Variants in PSMA5 observed in about 807,000 individuals in gnomAD.
PSMA5 encodes proteasome subunit alpha type-5.
In PSMA5, 3 loss-of-function variants were observed where a neutral mutation model predicts 34.5. The ratio of observed to expected loss-of-function variants is 0.09; its 90% CI spans 0.04 to 0.22. PSMA5 has a LOEUF of 0.22. Ranked by LOEUF, PSMA5 falls within the 10% of genes least tolerant of loss-of-function variation. The pLI is 1.00. For synonymous variants in PSMA5, 88 were observed against 95.8 expected (o/e 0.92, Z 0.47); for missense variants, 120 against 286.1 (o/e 0.42, Z 4.19).
At chr1:109,414,271 A>G (rs1331995870) in intron 3 of PSMA5, among the ~76,000 whole-genome samples, 1 of 152,214 alleles carries the variant, frequency 6.6e-6, no homozygotes, top group Non-Finnish European at 1.5e-5. Flanking sequence ...TTTCAGAATT[A>G]AACTCAGCTC....
rs766702549 is a variant in PSMA5 at position 109,403,160 on chromosome 1, G to A, written c.649-1070C>T. The stretch of plus-strand genomic sequence containing the variant: ...CAACAATAAAAAACTAGGGTCAGAA[G>A]ATGGTTAATTTCAAATTTAACTATC... On this transcript the variant is annotated intron_variant, in intron 8 of 8. Transcript: ENST00000271308. Among the ~76,000 whole-genome samples the A allele has an allele frequency of 7.2e-5, 11 of 152,274 alleles. No homozygotes were observed. The South Asian group carries it at 1.2e-3, about 17-fold the overall frequency.
At chr1:109,407,875 C>T (rs1653842182) in intron 8 of PSMA5, among the ~76,000 whole-genome samples, 1 of 152,046 alleles carries the variant, frequency 6.6e-6, no homozygotes, top group South Asian at 2.1e-4. Flanking sequence ...GAACTTCTGG[C>T]CTCACGTGAT....
intron 3 of PSMA5, 76 bp from the exon 4 acceptor site, chr1:109,413,211 A>G (rs1276152932): frequency 7.2e-7 from 1 of 1,390,630 alleles, no homozygotes; most frequent in East Asian, 2.3e-5. Flanking sequence ...AAATCCTGAA[A>G]TTCTGGATTG....
intron 2 of PSMA5, among the ~76,000 whole-genome samples, chr1:109,415,574 TA>T (rs1230014998): frequency 1.3e-5 from 2 of 152,198 alleles, no homozygotes; most frequent in African/African-American, 4.8e-5. Context: ...TTTGTGATTC[TA>T]AAAAGTTCTT....
chr1:109,410,436 T>C (rs1288946881), intron 7 of PSMA5, among the ~76,000 whole-genome samples: 2 of 152,206 alleles, frequency 1.3e-5, no homozygotes, highest in South Asian at 2.1e-4. Context: ...TTCTTCCACA[T>C]GTAAAAGCAA....
chr1:109,417,528 T>C (rs1482922042), intron 2 of PSMA5, among the ~76,000 whole-genome samples: 1 of 152,214 alleles, frequency 6.6e-6, no homozygotes, highest in East Asian at 1.9e-4. Flanking sequence ...CCCACTCCCG[T>C]GGAAGACTCC....
At chr1:109,420,278 C>T (rs1654387774) in intron 2 of PSMA5, among the ~76,000 whole-genome samples, 1 of 152,090 alleles carries the variant, frequency 6.6e-6, no homozygotes, top group South Asian at 2.1e-4. Context: ...CCTATCCCCA[C>T]CTCAGAAGAC....
intron 1 of PSMA5, among the ~76,000 whole-genome samples, chr1:109,424,488 G>A (rs1417853868): frequency 6.6e-6 from 1 of 151,930 alleles, no homozygotes; most frequent in Non-Finnish European, 1.5e-5. Flanking sequence ...AATTCTTTAA[G>A]AGTCTCAGGC....
intron 2 of PSMA5, among the ~76,000 whole-genome samples, chr1:109,419,070 T>C (rs1654331869): frequency 6.6e-6 from 1 of 152,000 alleles, no homozygotes; most frequent in Admixed American, 6.6e-5. Flanking sequence ...GGAGAATCGC[T>C]TGAACACGGG....
intron 8 of PSMA5, among the ~76,000 whole-genome samples, chr1:109,406,701 C>A (rs1256382373): frequency 6.6e-6 from 1 of 152,082 alleles, no homozygotes; most frequent in Non-Finnish European, 1.5e-5. Flanking sequence ...ATATGAAATT[C>A]TAGAACACAA....
At chr1:109,422,331 A>C (rs1008304166) in intron 1 of PSMA5, among the ~76,000 whole-genome samples, 1 of 152,186 alleles carries the variant, frequency 6.6e-6, no homozygotes, top group Non-Finnish European at 1.5e-5. Flanking sequence ...TGACGTTAAT[A>C]CTTGGGGTTA....
intron 1 of PSMA5, 126 bp downstream of exon 1, chr1:109,426,176 A>G: frequency 3.8e-6 from 5 of 1,323,070 alleles, no homozygotes; most frequent in Non-Finnish European, 5.4e-6. Flanking sequence ...AGGGCATAAC[A>G]TCCCCAGGTC....
At chr1:109,422,582 C>T (rs1296181106) in intron 1 of PSMA5, among the ~76,000 whole-genome samples, 3 of 151,284 alleles carry the variant, frequency 2.0e-5, no homozygotes, top group African/African-American at 7.3e-5. Context: ...AAGCAGTTAT[C>T]CTGCCTCAGC....
chr1:109,426,278 C>T, intron 1 of PSMA5, 24 bp downstream of exon 1: 1 of 1,614,090 alleles, frequency 6.2e-7, no homozygotes. Context: ...TAATTCCCAC[C>T]CGACGTCCCC....
At position 109,399,779 on chromosome 1, in the gene PSMA5, C is replaced by A. The variant is rs556596653; in HGVS notation, c.*2234G>T. On this transcript the variant is annotated 3_prime_UTR_variant, in exon 9 of 9. Coordinates refer to ENST00000271308, the MANE Select transcript of PSMA5 (RefSeq NM_002790.4). ...ATTATTTCACTTTTTAAATTGGAAA[C>A]CCTAGGAACTATATTTCATTTTTGT... 2 of 152,180 alleles carry A rather than the reference C, an allele frequency of 1.3e-5. No homozygotes were observed. Among genetic ancestry groups the A allele is most frequent in the South Asian group, 4.2e-4 (2 of 4,816 alleles). The allele number at this position is 152,180 out of a possible 1,614,324, so 9.4% of individuals were successfully genotyped here.
At chr1:109,413,862 T>G (rs1654096488) in intron 3 of PSMA5, among the ~76,000 whole-genome samples, 1 of 152,250 alleles carries the variant, frequency 6.6e-6, no homozygotes, top group Non-Finnish European at 1.5e-5. Context: ...CTCTGGCTAC[T>G]GTGTTGGTTA....
chr1:109,402,848 G>A, intron 8 of PSMA5, among the ~76,000 whole-genome samples: 1 of 152,136 alleles, frequency 6.6e-6, no homozygotes, highest in East Asian at 1.9e-4. Context: ...TGGGATTACA[G>A]ACATGCGCCA....
chr1:109,404,254 G>A (rs1020024695), intron 8 of PSMA5, among the ~76,000 whole-genome samples: 1 of 152,160 alleles, frequency 6.6e-6, no homozygotes, highest in African/African-American at 2.4e-5. Flanking sequence ...GGAGGTTGCA[G>A]TGAGCTGAGA....
chr1:109,405,591 C>T (rs1653725139), intron 8 of PSMA5, among the ~76,000 whole-genome samples: 1 of 151,870 alleles, frequency 6.6e-6, no homozygotes, highest in African/African-American at 2.4e-5. Context: ...GCACATGTCA[C>T]CGTGCTTAGC....
Sources: gnomAD v4.1 joint callset for allele counts (sites outside exome capture counted in the v4.1 genomes callset) on GRCh38, gnomAD v4.1.1 for gene constraint, MANE v1.5 for transcripts, NCBI Gene and HGNC (gene_info 2026-07-23, HGNC 2026-07-21) for gene names.